The following RFTN2 variants were observed in gnomAD, a reference collection of about 807,000 sequenced individuals.
RFTN2 encodes raftlin family member 2.
RFTN2 carries 34 observed loss-of-function variants against 52.7 expected under a neutral mutation model. That is an observed-to-expected ratio of 0.64 (90% CI 0.49 to 0.86). The LOEUF (loss-of-function observed/expected upper bound fraction) is 0.86, where lower values mean the gene tolerates loss of function less well. RFTN2 is among the 40% of genes least tolerant of loss of function. The pLI is 0.00. For missense variants in RFTN2, 536 were observed against 600.1 expected (o/e 0.89, Z 1.12); for synonymous variants, 203 against 217.7 (o/e 0.93, Z 0.59).
intron 5 of RFTN2, among the ~76,000 whole-genome samples, chr2:197,625,421 GT>G (rs1574718455): frequency 6.6e-6 from 1 of 152,058 alleles, no homozygotes; most frequent in Admixed American, 6.6e-5. Context: ...CTCCATTTTA[GT>G]TTTTTTGGTT....
chr2:197,574,296 T>G (rs998927280), intron 8 of RFTN2, among the ~76,000 whole-genome samples: 6 of 152,192 alleles, frequency 3.9e-5, no homozygotes, highest in African/African-American at 1.4e-4. Context: ...ATCTCTTGCA[T>G]CAGTGTGACC....
chr2:197,584,579 T>C (rs1018492402), intron 8 of RFTN2, among the ~76,000 whole-genome samples: 1 of 152,218 alleles, frequency 6.6e-6, no homozygotes, highest in Non-Finnish European at 1.5e-5. Context: ...ACTCTGATGG[T>C]AGTTTCTTTT....
At position 197,664,302 on chromosome 2, in the gene RFTN2, G is replaced by A. The variant is rs150235598; in HGVS notation, c.139+11018C>T. 9.0e-3 allele frequency among the ~76,000 whole-genome samples: 1,348 copies of A among 150,336 alleles called. 22 individuals are homozygous for A. The highest frequency in any genetic ancestry group is 0.035 in the Admixed American group (522 of 15,068). On this transcript the variant is annotated intron_variant, in intron 1 of 8. Coordinates refer to ENST00000295049, the MANE Select transcript of RFTN2 (RefSeq NM_144629.3). ...AGCCTGGGCAACATGGCAAAACCCA[G>A]TCTCTACAAAAAAAAATTCAAAAAT...
intron 5 of RFTN2, among the ~76,000 whole-genome samples, chr2:197,624,272 C>T (rs1459534455): frequency 6.6e-6 from 1 of 152,064 alleles, no homozygotes; most frequent in East Asian, 1.9e-4. Context: ...AAAATGCCGT[C>T]AAACAGCATC....
rs1388975043 is a variant in RFTN2 at position 197,570,803 on chromosome 2, TA to T, written c.*1204del. On this transcript the variant is annotated 3_prime_UTR_variant, in exon 9 of 9. Coordinates refer to ENST00000295049, the MANE Select transcript of RFTN2 (RefSeq NM_144629.3). ...TGTGTTCAATAAAACAATAACACAATAAAAATGATGTTTTATTATTAAAATG... is the reference window on the plus strand; with the variant it reads ...TGTGTTCAATAAAACAATAACACAATAAAATGATGTTTTATTATTAAAATG... 1 of 152,224 alleles carries T rather than the reference TA, an allele frequency of 6.6e-6. No homozygotes were observed. Among genetic ancestry groups the T allele is most frequent in the Non-Finnish European group, 1.5e-5 (1 of 68,032 alleles). The allele number at this position is 152,224 out of a possible 1,614,324, so 9.4% of individuals were successfully genotyped here.
At chr2:197,598,958 C>CT (rs759636529) in intron 7 of RFTN2, among the ~76,000 whole-genome samples, 3,674 of 145,274 alleles carry the variant, frequency 0.025, 50 homozygotes, top group African/African-American at 0.036. Flanking sequence ...TCTTCTTCTT[C>CT]TTTTTTTTTT....
At chr2:197,578,216 T>G (rs1465142662) in intron 8 of RFTN2, among the ~76,000 whole-genome samples, 1 of 152,160 alleles carries the variant, frequency 6.6e-6, no homozygotes, top group Non-Finnish European at 1.5e-5. Flanking sequence ...AGAATTTTCT[T>G]AATAAAAATG....
At chr2:197,583,640 T>A (rs968225550) in intron 8 of RFTN2, among the ~76,000 whole-genome samples, 24 of 151,546 alleles carry the variant, frequency 1.6e-4, no homozygotes, top group Middle Eastern at 3.2e-3. Flanking sequence ...TTTTTTTTTT[T>A]AATTATACTT....
At chr2:197,625,709 C>CTCTCT (rs2088346205) in intron 5 of RFTN2, among the ~76,000 whole-genome samples, 1 of 136,500 alleles carries the variant, frequency 7.3e-6, no homozygotes, top group Non-Finnish European at 1.6e-5. Flanking sequence ...CTCTCCTCTC[C>CTCTCT]TCTCCTCTCC....
At chr2:197,669,237 C>G (rs868375341) in intron 1 of RFTN2, among the ~76,000 whole-genome samples, 7 of 152,192 alleles carry the variant, frequency 4.6e-5, no homozygotes, top group South Asian at 2.1e-4. Context: ...TCACTGCTAT[C>G]TTCTTAATAT....
chr2:197,638,245 T>C (rs368915269), intron 3 of RFTN2, among the ~76,000 whole-genome samples: 1 of 104,716 alleles, frequency 9.5e-6, no homozygotes, highest in African/African-American at 3.1e-5. Context: ...TCTGTAGATG[T>C]CTATTAGATC....
At chr2:197,671,083 T>G (rs1250951365) in intron 1 of RFTN2, among the ~76,000 whole-genome samples, 1 of 152,216 alleles carries the variant, frequency 6.6e-6, no homozygotes, top group Non-Finnish European at 1.5e-5. Flanking sequence ...TGAATCTTCT[T>G]AAAACACTCT....
At chr2:197,577,594 A>T (rs1383966666) in intron 8 of RFTN2, among the ~76,000 whole-genome samples, 2 of 152,242 alleles carry the variant, frequency 1.3e-5, no homozygotes, top group Non-Finnish European at 2.9e-5. Flanking sequence ...TTGGCTTCAG[A>T]TACGGCTGAT....
At chr2:197,629,987 G>T (rs910940504) in intron 5 of RFTN2, among the ~76,000 whole-genome samples, 1 of 152,158 alleles carries the variant, frequency 6.6e-6, no homozygotes, top group African/African-American at 2.4e-5. Context: ...GCCTCCCAAA[G>T]TGCTGGGATT....
intron 8 of RFTN2, among the ~76,000 whole-genome samples, chr2:197,588,997 G>A (rs1026377359): frequency 1.3e-5 from 2 of 152,046 alleles, no homozygotes. Flanking sequence ...GCCAAGGCAG[G>A]TGGACCACGA....
Position 197,615,827 on chromosome 2 carries a change from G to A in RFTN2, c.1154+49C>T, listed in dbSNP as rs1224778297. 9 of 931,874 alleles carry A rather than the reference G, an allele frequency of 9.7e-6. No individual in the cohort carries two copies. In the South Asian group the frequency reaches 1.2e-4, roughly 12 times the overall value. 57.7% of individuals were successfully genotyped at this position (931,874 alleles called of 1,614,324 possible). A position where few individuals can be genotyped will look rare whatever the true frequency, so the allele number is the denominator to read the frequency against. ...TGAATTGAACTATCTAACAGATGAAGTTATATATTAGAATTAAATGATAGT... is the reference window on the plus strand; with the variant it reads ...TGAATTGAACTATCTAACAGATGAAATTATATATTAGAATTAAATGATAGT... On this transcript the variant is annotated intron_variant, in intron 7 of 8. Transcript: ENST00000295049.
At chr2:197,587,878 A>T (rs1048680714) in intron 8 of RFTN2, 18 of 387,298 alleles carry the variant, frequency 4.6e-5, no homozygotes, top group Middle Eastern at 3.7e-4. Flanking sequence ...GTTCTTGGAG[A>T]TTATCTACTT....
At chr2:197,612,364 G>A (rs1272163792) in intron 7 of RFTN2, among the ~76,000 whole-genome samples, 1 of 152,138 alleles carries the variant, frequency 6.6e-6, no homozygotes, top group Admixed American at 6.6e-5. Context: ...TGGGATTCCT[G>A]TTACAATGCA....
intron 1 of RFTN2, among the ~76,000 whole-genome samples, chr2:197,675,093 A>G (rs976733345): frequency 1.4e-4 from 21 of 152,232 alleles, no homozygotes; most frequent in Non-Finnish European, 2.9e-4. Flanking sequence ...AGTATTTCCA[A>G]GCAATTTCCC....
Sources: gnomAD v4.1 joint callset for allele counts (sites outside exome capture counted in the v4.1 genomes callset) on GRCh38, gnomAD v4.1.1 for gene constraint, MANE v1.5 for transcripts, NCBI Gene and HGNC (gene_info 2026-07-23, HGNC 2026-07-21) for gene names.